Variants in UAP1 observed in about 807,000 individuals in gnomAD.
The protein encoded by UAP1 is UDP-N-acetylglucosamine pyrophosphorylase 1.
UAP1 carries 25 observed loss-of-function variants against 58.5 expected under a neutral mutation model. The observed-to-expected ratio is 0.43, with a 90% CI of 0.31 to 0.60. The LOEUF is 0.60. Ranked by LOEUF, UAP1 falls within the 20% of genes least tolerant of loss-of-function variation. UAP1 has a pLI of 0.11. For synonymous variants in UAP1, 208 were observed against 213.0 expected, an observed-to-expected ratio of 0.98 and a Z score of 0.21; for missense variants, 575 against 630.0, an observed-to-expected ratio of 0.91 and a Z score of 0.93.
chr1:162,597,942 T>A, intron 10 of UAP1, 84 bp downstream of exon 10: 1 of 1,251,534 alleles, frequency 8.0e-7, no homozygotes, highest in Admixed American at 2.1e-5. Flanking sequence ...TTAAATGTTC[T>A]CACCATAAAG....
intron 1 of UAP1, among the ~76,000 whole-genome samples, chr1:162,562,858 G>A (rs1391827813): frequency 3.3e-5 from 5 of 152,244 alleles, no homozygotes; most frequent in Non-Finnish European, 7.4e-5. Context: ...TTCATTTCGA[G>A]GGCATACGTA....
intron 1 of UAP1, among the ~76,000 whole-genome samples, chr1:162,562,042 G>A (rs1280593342): frequency 6.6e-6 from 1 of 152,234 alleles, no homozygotes. Context: ...TGGATGGCGG[G>A]GCCAGGGATG....
intron 7 of UAP1, among the ~76,000 whole-genome samples, chr1:162,589,095 T>C (rs1655094032): frequency 8.0e-6 from 1 of 124,306 alleles, no homozygotes; most frequent in African/African-American, 3.1e-5. Context: ...CATATGTATA[T>C]TAAATATATA....
intron 2 of UAP1, among the ~76,000 whole-genome samples, chr1:162,573,289 A>G (rs1198636873): frequency 6.6e-6 from 1 of 151,874 alleles, no homozygotes; most frequent in Non-Finnish European, 1.5e-5. Flanking sequence ...AGGCAGCACA[A>G]CCTCTGGTGG....
exon 2 of UAP1, chr1:162,566,106 C>T (rs372081618): frequency 9.9e-6 from 16 of 1,612,536 alleles, no homozygotes; most frequent in Non-Finnish European, 1.4e-5. Flanking sequence ...TTGTCCAAAG[C>T]TGGGCAAGAG....
At chr1:162,589,807 A>G (rs893566373) in intron 7 of UAP1, among the ~76,000 whole-genome samples, 3 of 152,026 alleles carry the variant, frequency 2.0e-5, no homozygotes, top group Non-Finnish European at 2.9e-5. Flanking sequence ...CCCTGTCTCT[A>G]CTAACAGTAC....
intron 2 of UAP1, among the ~76,000 whole-genome samples, chr1:162,570,006 A>AGGTGT (rs1433987839): frequency 6.6e-6 from 1 of 152,066 alleles, no homozygotes; most frequent in Non-Finnish European, 1.5e-5. Flanking sequence ...AAAATTAGCC[A>AGGTGT]GGTGTGGTGG....
At chr1:162,593,056 A>G (rs1655415651) in intron 9 of UAP1, 4 of 508,294 alleles carry the variant, frequency 7.9e-6, no homozygotes, top group Admixed American at 3.5e-5. Flanking sequence ...GATGATAGGT[A>G]AGATCCAGAG....
In UAP1 at chr1:162,579,717, G is replaced by A. The variant is rs558631837; in HGVS notation, c.661+114G>A. 3.3e-6 allele frequency: 3 copies of A among 922,898 alleles called. No individual in the cohort carries two copies. The East Asian group carries it at 8.3e-5, about 26-fold the overall frequency. 57.2% of individuals were successfully genotyped at this position (922,898 alleles called of 1,614,324 possible). A position where few individuals can be genotyped will look rare whatever the true frequency, so the allele number is the denominator to read the frequency against. ...GATATTTAAACATTAATATATATGT[G>A]TTTTTTGCAGCTTGGAAATGATTTA... On this transcript the variant is annotated intron_variant, in intron 4 of 10. Transcript: ENST00000271469.
At chr1:162,576,537 G>A (rs1390608684) in intron 2 of UAP1, among the ~76,000 whole-genome samples, 3 of 152,098 alleles carry the variant, frequency 2.0e-5, no homozygotes, top group African/African-American at 4.8e-5. Flanking sequence ...TGTGCCTTAC[G>A]TTGATAAGCC....
intron 2 of UAP1, among the ~76,000 whole-genome samples, chr1:162,570,534 T>A (rs1050233591): frequency 2.0e-5 from 3 of 152,198 alleles, no homozygotes; most frequent in African/African-American, 4.8e-5. Context: ...TATCCTCATA[T>A]AGTTTGGTAT....
rs142239717 is a variant in UAP1 at position 162,581,117 on chromosome 1, A to G, written c.662-170A>G. ...AATGCTAAGTAACCTTCAAAATCCT[A>G]TAGTTCAATTTTTTTGACACCTGAT... is the stretch of plus-strand genomic sequence containing the variant. On this transcript the variant is annotated intron_variant, in intron 4 of 10. Coordinates refer to ENST00000271469, the Ensembl canonical transcript of UAP1. 5.9e-5 allele frequency among the ~76,000 whole-genome samples: 9 copies of G among 152,336 alleles called. No homozygotes were observed. In the East Asian group the frequency reaches 9.6e-4, roughly 16 times the overall value.
exon 6 of UAP1, chr1:162,587,572 C>G: frequency 6.2e-7 from 1 of 1,614,148 alleles, no homozygotes; most frequent in Non-Finnish European, 8.5e-7. Context: ...TCCCTGGCAA[C>G]AGCTCAAAAA....
chr1:162,592,000 T>G (rs947441926), intron 8 of UAP1, among the ~76,000 whole-genome samples: 1 of 152,202 alleles, frequency 6.6e-6, no homozygotes, highest in Non-Finnish European at 1.5e-5. Context: ...GAATTTCCCT[T>G]TCTGAATCAT....
At chr1:162,563,710 G>C (rs1045412076) in intron 1 of UAP1, among the ~76,000 whole-genome samples, 1 of 152,188 alleles carries the variant, frequency 6.6e-6, no homozygotes, top group African/African-American at 2.4e-5. Flanking sequence ...AGTGTCTGAA[G>C]GTGGAGGAGT....
chr1:162,581,861 G>A (rs1012613466), intron 5 of UAP1, among the ~76,000 whole-genome samples: 1 of 152,184 alleles, frequency 6.6e-6, no homozygotes, highest in African/African-American at 2.4e-5. Context: ...CAGGTGACAA[G>A]GTATCTTACG....
chr1:162,564,662 CTT>C (rs1557962106), intron 1 of UAP1, among the ~76,000 whole-genome samples: 1 of 152,220 alleles, frequency 6.6e-6, no homozygotes, highest in Non-Finnish European at 1.5e-5. Flanking sequence ...TCTCTCATCT[CTT>C]TAAAGCATGG....
intron 10 of UAP1, 83 bp downstream of exon 10, chr1:162,597,941 C>G (rs1352488324): frequency 1.6e-6 from 2 of 1,253,652 alleles, no homozygotes; most frequent in South Asian, 2.6e-5. Flanking sequence ...TTTAAATGTT[C>G]TCACCATAAA....
chr1:162,588,767 T>A (rs771587908), exon 7 of UAP1: 1 of 1,612,634 alleles, frequency 6.2e-7, no homozygotes, highest in Non-Finnish European at 8.5e-7. Context: ...GGACAGTTAA[T>A]TAAGCCAGAC....
Sources: gnomAD v4.1 joint callset for allele counts (sites outside exome capture counted in the v4.1 genomes callset) on GRCh38, gnomAD v4.1.1 for gene constraint, MANE v1.5 for transcripts, NCBI Gene and HGNC (gene_info 2026-07-23, HGNC 2026-07-21) for gene names.